TNK1: variants seen among roughly 807,000 people sequenced by gnomAD.
TNK1 encodes tyrosine kinase non receptor 1, also known as non-receptor tyrosine-protein kinase TNK1.
Under a neutral mutation model 65.2 loss-of-function variants are expected in TNK1, and 53 were observed. That is an observed-to-expected ratio of 0.81 (90% CI 0.65 to 1.02). The LOEUF is 1.02. Among genes scored for constraint, TNK1 ranks in the 50% least tolerant of loss-of-function variants. TNK1 has a pLI of 0.00. For missense variants in TNK1, 837 were observed against 878.4 expected (o/e 0.95, Z 0.60); for synonymous variants, 353 against 364.6 (o/e 0.97, Z 0.36).
Position 7,386,581 on chromosome 17 carries a change from T to C in TNK1, c.1158T>C (p.Cys386=). The C allele has an allele frequency of 6.2e-7, 1 of 1,604,748 alleles. No homozygotes were observed. The highest frequency in any genetic ancestry group is 1.7e-5 in the Admixed American group (1 of 58,792). ...LLQEAGPSEA[C]CVRDVTEPGA... ...CACAGGCCGGGCCTTCGGAAGCATG[T>C]TGTGTGAGGGATGTCACAGAACCAG... Residue 386 remains cysteine (C), a synonymous_variant, in exon 8 of 13, where the codon TGT becomes TGC. Transcript: ENST00000688331.
At position 7,382,849 on chromosome 17, in the gene TNK1, C is replaced by A; in HGVS notation, c.-78C>A. On this transcript the variant is annotated 5_prime_UTR_variant, in exon 2 of 13. Coordinates refer to ENST00000688331, the MANE Select transcript of TNK1 (RefSeq NM_003985.6). This position sits in a 1 kb window ranked among gnomAD's most constrained non-coding sequence, Gnocchi z 4.1. ...AATGACTTGCAGGTGGAGCTGGAGACCTGGTCTCTCTAGGGCCTACCCTGA... is the reference window on the plus strand; with the variant it reads ...AATGACTTGCAGGTGGAGCTGGAGAACTGGTCTCTCTAGGGCCTACCCTGA... 6.7e-7 allele frequency: 1 copy of A among 1,503,442 alleles called. No individual in the cohort carries two copies. The highest frequency in any genetic ancestry group is 9.0e-7 in the Non-Finnish European group (1 of 1,106,772). 93.1% of individuals were successfully genotyped at this position (1,503,442 alleles called of 1,614,324 possible).
Position 7,383,871 on chromosome 17 carries a change from A to T in TNK1, c.582+7A>T. 1 of 1,603,848 alleles carries T rather than the reference A, an allele frequency of 6.2e-7. No homozygotes were observed. The highest frequency in any genetic ancestry group is 8.5e-7 in the Non-Finnish European group (1 of 1,174,980). ...GGGCCAGCCTCTGCAGATGGTGAGC[A>T]GATCCAGCCGCTGGTTCCCGGGACA... is the stretch of plus-strand genomic sequence containing the variant. On this transcript the variant is annotated splice_region_variant and intron_variant, in intron 5 of 12. Transcript: ENST00000688331.
In TNK1 at chr17:7,383,819, C is replaced by T; in HGVS notation, c.537C>T (p.His179=). 2 of 1,612,674 alleles carry T rather than the reference C, an allele frequency of 1.2e-6. No individual in the cohort carries two copies. The highest frequency in any genetic ancestry group is 8.5e-7 in the Non-Finnish European group (1 of 1,179,400). ...TCATGATGAACTTGGAGCACCCACA[C>T]GTGCTGCGTCTGCACGGCCTTGTAC... ...VSVMMNLEHP[H]VLRLHGLVLG... The change falls in exon 5 of 13, where the codon CAC becomes CAT. Residue 179 remains histidine, a synonymous_variant. Transcript: ENST00000688331.
At chr17:7,383,361 TGGCTTGA>T (rs1306221468) in intron 3 of TNK1, 41 bp downstream of exon 3, 1 of 1,613,644 alleles carries the variant, frequency 6.2e-7, no homozygotes, top group Non-Finnish European at 8.5e-7. Flanking sequence ...GGGAATGAGG[TGGCTTGA>T]GGGGCAGGGA....
rs1469787655 is a variant in TNK1, at chr17:7,389,608, C to T, written c.*524C>T. 1.2e-5 allele frequency: 3 copies of T among 243,014 alleles called. No homozygotes were observed. Among genetic ancestry groups the T allele is most frequent in the African/African-American group, 4.5e-5 (2 of 44,754 alleles). The allele number at this position is 243,014 out of a possible 1,614,324, so 15.1% of individuals were successfully genotyped here. ...ACGATTGCTCTCTTGCACTCAAGGA[C>T]ATTTGATGCTGGTAGTATGGATTAT... On this transcript the variant is annotated 3_prime_UTR_variant, in exon 13 of 13. Coordinates refer to ENST00000688331, the MANE Select transcript of TNK1 (RefSeq NM_003985.6).
intron 10 of TNK1, 101 bp downstream of exon 10, chr17:7,387,558 C>T (rs890730153): frequency 3.9e-5 from 39 of 999,480 alleles, no homozygotes; most frequent in Non-Finnish European, 4.6e-5. Context: ...TTATTTCCTT[C>T]CTCTGAATTC....
Position 7,389,112 on chromosome 17 carries a change from G to A in TNK1, c.*28G>A. On this transcript the variant is annotated 3_prime_UTR_variant, in exon 13 of 13. Coordinates refer to ENST00000688331, the MANE Select transcript of TNK1 (RefSeq NM_003985.6). ...TCAGCTTCTGCGGGCACAGACACCA[G>A]CATGAAAAGCCTAGGCCCCTGAGGG... The A allele has an allele frequency of 1.3e-6, 2 of 1,532,974 alleles. No individual in the cohort carries two copies. The highest frequency in any genetic ancestry group is 2.4e-5 in the South Asian group (2 of 83,726). The allele number at this position is 1,532,974 out of a possible 1,614,324, so 95.0% of individuals were successfully genotyped here. A position where few individuals can be genotyped will look rare whatever the true frequency, so the allele number is the denominator to read the frequency against.
At position 7,383,753 on chromosome 17, in the gene TNK1, G is replaced by C; in HGVS notation, c.471G>C (p.Pro157=). 1 of 1,612,402 alleles carries C rather than the reference G, an allele frequency of 6.2e-7. No homozygotes were observed. The change falls in exon 5 of 13, where the codon CCG becomes CCC. Residue 157 remains proline, a synonymous_variant. Coordinates refer to ENST00000688331, the MANE Select transcript of TNK1 (RefSeq NM_003985.6). ...CCCTCCGGGTAGGTCCCGAAGGCCC[G>C]ATGGGCACAGAACTGGGGGACTTCC... ...VKSLRVGPEG[P]MGTELGDFLR...
Position 7,382,502 on chromosome 17 carries a change from A to G in TNK1, c.-91-334A>G, listed in dbSNP as rs969839342. The stretch of plus-strand genomic sequence containing the variant: ...AAGGGAGATGTCTCATGTTGGAGGA[A>G]GGGAGATGTCGTCTCAGGTGTGTAT... On this transcript the variant is annotated intron_variant, in intron 1 of 12. Coordinates refer to ENST00000688331, the MANE Select transcript of TNK1 (RefSeq NM_003985.6). The surrounding 1 kb of genome is among the most constrained non-coding windows in gnomAD (Gnocchi z 4.1). Among the ~76,000 whole-genome samples, 11 of 152,076 alleles carry G rather than the reference A, an allele frequency of 7.2e-5. No individual in the cohort carries two copies. The highest frequency in any genetic ancestry group is 2.7e-4 in the African/African-American group (11 of 41,394).
Position 7,384,706 on chromosome 17 carries a change from C to T in TNK1, c.1089C>T (p.His363=), listed in dbSNP as rs753534603. Residue 363 remains histidine, a synonymous_variant, in exon 7 of 13, where the codon CAC becomes CAT. Transcript: ENST00000688331. ...YSLALRCWAP[H]PADRPSFSHL... is the part of the protein sequence containing the mutation. ...TCGCCTTGCGCTGCTGGGCCCCCCA[C>T]CCTGCCGACCGGCCTAGCTTTTCCC... is the stretch of plus-strand genomic sequence containing the variant. The T allele has an allele frequency of 3.8e-6, 6 of 1,590,024 alleles. No homozygotes were observed. The highest frequency in any genetic ancestry group is 4.3e-6 in the Non-Finnish European group (5 of 1,171,160).
chr17:7,386,425 TGGG>T (rs1905180804), intron 7 of TNK1, 133 bp from the exon 8 acceptor site: 1 of 649,060 alleles, frequency 1.5e-6, no homozygotes, highest in African/African-American at 1.8e-5. Flanking sequence ...TGAATTACAA[TGGG>T]GGGACAGGGA....
In TNK1 at chr17:7,389,180, C is replaced by A; in HGVS notation, c.*96C>A. On this transcript the variant is annotated 3_prime_UTR_variant, in exon 13 of 13. Coordinates refer to ENST00000688331, the MANE Select transcript of TNK1 (RefSeq NM_003985.6). Reference sequence around the variant, plus strand: ...AAGCGGAACCAGAACAAGGTCCCGACAGGGGTAGACGTTCCACCTGGGGAG... The same window carrying A: ...AAGCGGAACCAGAACAAGGTCCCGAAAGGGGTAGACGTTCCACCTGGGGAG... The A allele has an allele frequency of 3.0e-6, 3 of 988,702 alleles. No individual in the cohort carries two copies. The highest frequency in any genetic ancestry group is 3.0e-6 in the Non-Finnish European group (2 of 665,854). The allele number at this position is 988,702 out of a possible 1,614,324, so 61.2% of individuals were successfully genotyped here. A position where few individuals can be genotyped will look rare whatever the true frequency, so the allele number is the denominator to read the frequency against.
chr17:7,386,900 C>G, intron 8 of TNK1, 90 bp from the exon 9 acceptor site: 3 of 1,441,920 alleles, frequency 2.1e-6, no homozygotes, highest in Non-Finnish European at 2.8e-6. Flanking sequence ...GGCTCCAAGG[C>G]ACATAGCCTA....
upstream of TNK1, among the ~76,000 whole-genome samples, chr17:7,380,336 C>T (rs942616081): frequency 6.6e-6 from 1 of 152,324 alleles, no homozygotes; most frequent in South Asian, 2.1e-4. Context: ...CTGAGAGAAG[C>T]GGAGACAAAT....
intron 10 of TNK1, among the ~76,000 whole-genome samples, chr17:7,387,845 C>G (rs1905273069): frequency 6.6e-6 from 1 of 152,178 alleles, no homozygotes; most frequent in Non-Finnish European, 1.5e-5. Flanking sequence ...CTCGGGTGAT[C>G]TGCCTGCCTC....
At position 7,384,724 on chromosome 17, in the gene TNK1, CT is replaced by C; in HGVS notation, c.1111del (p.Ser371ProfsTer18). ...WAPHPADRPS[F>X]SHLEGLLQEA... Reference sequence around the variant, plus strand: ...CCCCCCACCCTGCCGACCGGCCTAGCTTTTCCCACCTGGAGGGGCTGCTGCA... The same window carrying C: ...CCCCCCACCCTGCCGACCGGCCTAGCTTTCCCACCTGGAGGGGCTGCTGCA... On this transcript the variant is annotated frameshift_variant, in exon 7 of 13. Transcript: ENST00000688331. LOFTEE classifies it high-confidence loss of function. 1 of 1,584,136 alleles carries C rather than the reference CT, an allele frequency of 6.3e-7. No individual in the cohort carries two copies. Among genetic ancestry groups the C allele is most frequent in the Non-Finnish European group, 8.6e-7 (1 of 1,169,534 alleles).
chr17:7,383,896 A>C, intron 5 of TNK1, 32 bp downstream of exon 5: 1 of 1,591,442 alleles, frequency 6.3e-7, no homozygotes. Context: ...TTCCCGGGAC[A>C]GCCGTGCGGC....
Position 7,389,182 on chromosome 17 carries a change from G to C in TNK1, c.*98G>C. 1.0e-6 allele frequency: 1 copy of C among 981,736 alleles called. No individual in the cohort carries two copies. Among genetic ancestry groups the C allele is most frequent in the Non-Finnish European group, 1.5e-6 (1 of 660,170 alleles). 60.8% of individuals were successfully genotyped at this position (981,736 alleles called of 1,614,324 possible). On this transcript the variant is annotated 3_prime_UTR_variant, in exon 13 of 13. Transcript: ENST00000688331. ...GCGGAACCAGAACAAGGTCCCGACA[G>C]GGGTAGACGTTCCACCTGGGGAGAT...
rs765776506 is a variant in TNK1, at chr17:7,389,190, C to A, written c.*106C>A. 1.1e-6 allele frequency: 1 copy of A among 910,620 alleles called. No homozygotes were observed. Among genetic ancestry groups the A allele is most frequent in the East Asian group, 2.7e-5 (1 of 37,702 alleles). The allele number at this position is 910,620 out of a possible 1,614,324, so 56.4% of individuals were successfully genotyped here. On this transcript the variant is annotated 3_prime_UTR_variant, in exon 13 of 13. Transcript: ENST00000688331. The stretch of plus-strand genomic sequence containing the variant: ...AGAACAAGGTCCCGACAGGGGTAGA[C>A]GTTCCACCTGGGGAGATCCCACCTG...
Sources: gnomAD v4.1 joint callset for allele counts (sites outside exome capture counted in the v4.1 genomes callset) on GRCh38, gnomAD v4.1.1 for gene constraint, Gnocchi (gnomAD v3.1) non-coding constraint, MANE v1.5 for transcripts, NCBI Gene and HGNC (gene_info 2026-07-23, HGNC 2026-07-21) for gene names.